Variants in LAMA3 observed in about 807,000 individuals in gnomAD.
The protein encoded by LAMA3 is laminin subunit alpha-3.
In LAMA3, 281 loss-of-function variants were observed where a neutral mutation model predicts 402.0. The ratio of observed to expected loss-of-function variants is 0.70; its 90% CI spans 0.63 to 0.77. The LOEUF is 0.77. Among genes scored for constraint, LAMA3 ranks in the 30% least tolerant of loss-of-function variants. LAMA3 has a pLI of 0.00. For missense variants in LAMA3, 3,840 were observed against 4,215.5 expected (o/e 0.91, Z 2.47); for synonymous variants, 1,431 against 1,558.4 (o/e 0.92, Z 1.93).
At chr18:23,826,556 A>T in intron 21 of LAMA3, 146 bp from the exon 22 acceptor site, 1 of 693,458 alleles carries the variant, frequency 1.4e-6, no homozygotes, top group South Asian at 1.6e-5. Flanking sequence ...GTGAGTCGGG[A>T]TGAAGAACAA....
chr18:23,822,053 T>A (rs183640650), intron 19 of LAMA3, among the ~76,000 whole-genome samples, 199 bp from the exon 20 acceptor site: 10 of 152,342 alleles, frequency 6.6e-5, no homozygotes, highest in Admixed American at 6.5e-4. Flanking sequence ...TAAGTGATTT[T>A]AATTCATTGT....
rs114937232 is a variant in LAMA3, at chr18:23,911,135, C to T, written c.7159-1576C>T. Among the ~76,000 whole-genome samples the T allele has an allele frequency of 5.0e-3, 690 of 137,126 alleles. 10 individuals are homozygous for T. The highest frequency in any genetic ancestry group is 0.02 in the African/African-American group (657 of 33,414). 90.0% of individuals were successfully genotyped at this position (137,126 alleles called of 152,430 possible). On this transcript the variant is annotated intron_variant, in intron 55 of 74. Transcript: ENST00000313654. ...GGAAGAGTAGGAATTTGCCAGGTGA[C>T]AAAAAGCAGGAGAGAATGCCAGGCA...
chr18:23,887,864 C>T (rs529295688), intron 41 of LAMA3, among the ~76,000 whole-genome samples: 1 of 152,212 alleles, frequency 6.6e-6, no homozygotes, highest in African/African-American at 2.4e-5. Flanking sequence ...CAATGTCATT[C>T]GTGAAATCAG....
rs2080970810 is a variant in LAMA3 at position 23,898,973 on chromosome 18, A to G, written c.5744A>G (p.Lys1915Arg). The G allele has an allele frequency of 6.2e-7, 1 of 1,613,940 alleles. No individual in the cohort carries two copies. Residue 1915 changes from lysine to arginine, a missense_variant, in exon 46 of 75, where the codon AAA (lysine) becomes AGA (arginine). This residue lies in a region of LAMA3 where 891 missense variants were observed against 857.5 expected (regional missense o/e 1.04). Transcript: ENST00000313654. ...LQEKAQVNSR[K>R]AQTLNNNVNR... Reference sequence around the variant, plus strand: ...ATATAGGCTCAAGTAAATTCCAGAAAAGCACAAACATTAAACAACAATGTT... The same window carrying G: ...ATATAGGCTCAAGTAAATTCCAGAAGAGCACAAACATTAAACAACAATGTT...
chr18:23,878,776 C>T (rs766466066), intron 39 of LAMA3, among the ~76,000 whole-genome samples: 2 of 152,216 alleles, frequency 1.3e-5, no homozygotes, highest in Non-Finnish European at 2.9e-5. Context: ...CAAGATATTT[C>T]AAGAATAGAC....
chr18:23,806,065 A>G (rs1355405914), intron 12 of LAMA3, among the ~76,000 whole-genome samples: 1 of 152,248 alleles, frequency 6.6e-6, no homozygotes, highest in Non-Finnish European at 1.5e-5. Context: ...CACTTCCAGG[A>G]ACACCATGAT....
chr18:23,746,141 C>G (rs746951500), intron 2 of LAMA3, among the ~76,000 whole-genome samples: 2 of 152,100 alleles, frequency 1.3e-5, no homozygotes, highest in Non-Finnish European at 2.9e-5. Context: ...ACTTTTTCCA[C>G]GTGTTGGTAG....
intron 62 of LAMA3, among the ~76,000 whole-genome samples, chr18:23,922,883 A>G (rs370300864): frequency 6.6e-6 from 1 of 152,224 alleles, no homozygotes; most frequent in Non-Finnish European, 1.5e-5. Flanking sequence ...ACAGGTGCCA[A>G]GAAGGCAACA....
intron 23 of LAMA3, among the ~76,000 whole-genome samples, chr18:23,827,928 C>T (rs1016986384): frequency 6.6e-6 from 1 of 152,178 alleles, no homozygotes; most frequent in Non-Finnish European, 1.5e-5. Flanking sequence ...TCCGGAACTT[C>T]TACATCCCCT....
At chr18:23,921,813 C>A (rs761440179) in intron 62 of LAMA3, among the ~76,000 whole-genome samples, 2 of 152,178 alleles carry the variant, frequency 1.3e-5, no homozygotes, top group African/African-American at 2.4e-5. Flanking sequence ...CCGCCATTGT[C>A]ATTCTCGGGA....
chr18:23,699,724 A>G (rs1015551534), intron 1 of LAMA3, among the ~76,000 whole-genome samples: 1 of 152,186 alleles, frequency 6.6e-6, no homozygotes, highest in African/African-American at 2.4e-5. Context: ...TAAAGCTGCC[A>G]AACACCCCAC....
chr18:23,795,743 A>C (rs2062751121), intron 12 of LAMA3, among the ~76,000 whole-genome samples: 1 of 152,036 alleles, frequency 6.6e-6, no homozygotes, highest in Non-Finnish European at 1.5e-5. Context: ...TTAATCTATA[A>C]ACTCTGCTAT....
Position 23,815,175 on chromosome 18 carries a change from C to G in LAMA3, c.1889-13C>G. On this transcript the variant is annotated splice_polypyrimidine_tract_variant and intron_variant, in intron 15 of 74. Transcript: ENST00000313654. Reference sequence around the variant, plus strand: ...GTCTCCCTTAGTTCAAGGATGCTCTCTTATCTCCACAGAATGCAAGTGCCA... The same window carrying G: ...GTCTCCCTTAGTTCAAGGATGCTCTGTTATCTCCACAGAATGCAAGTGCCA... The G allele has an allele frequency of 6.2e-7, 1 of 1,613,652 alleles. No homozygotes were observed. Among genetic ancestry groups the G allele is most frequent in the Non-Finnish European group, 8.5e-7 (1 of 1,179,554 alleles).
chr18:23,772,182 C>G (rs371494001), intron 8 of LAMA3, among the ~76,000 whole-genome samples: 13 of 152,148 alleles, frequency 8.5e-5, no homozygotes, highest in African/African-American at 3.1e-4. Flanking sequence ...GCTGGAATTA[C>G]AGGTGTGTGC....
At chr18:23,799,358 G>A (rs2062826333) in intron 12 of LAMA3, among the ~76,000 whole-genome samples, 1 of 152,188 alleles carries the variant, frequency 6.6e-6, no homozygotes, top group South Asian at 2.1e-4. Context: ...TGAGAAAAGG[G>A]CTGCCAATGC....
At chr18:23,747,489 T>C (rs1175344688) in intron 2 of LAMA3, among the ~76,000 whole-genome samples, 1 of 152,002 alleles carries the variant, frequency 6.6e-6, no homozygotes, top group Non-Finnish European at 1.5e-5. Flanking sequence ...GCTGCTTGGG[T>C]TTCAGTTCTG....
chr18:23,733,519 A>T (rs1326253520), intron 2 of LAMA3, among the ~76,000 whole-genome samples: 1 of 152,162 alleles, frequency 6.6e-6, no homozygotes, highest in Non-Finnish European at 1.5e-5. Context: ...TCCCTCCATG[A>T]TTCAATTATC....
Position 23,922,655 on chromosome 18 carries a change from T to TTA in LAMA3, c.8177+1074_8177+1075dup, listed in dbSNP as rs572697764. On this transcript the variant is annotated intron_variant, in intron 62 of 74. Coordinates refer to ENST00000313654, the MANE Select transcript of LAMA3 (RefSeq NM_198129.4). ...ATGAAGAAATTCAGAGCCAGTGAGA[T>TTA]TATATTAATATTTAATATTATCAAT... Among the ~76,000 whole-genome samples, 81 of 152,336 alleles carry TTA rather than the reference T, an allele frequency of 5.3e-4. 1 individual carries two copies. The highest frequency in any genetic ancestry group is 9.0e-4 in the Non-Finnish European group (61 of 68,040).
Position 23,931,079 on chromosome 18 carries a change from C to G in LAMA3, c.8454C>G (p.Val2818=). The change falls in exon 65 of 75, where the codon GTC becomes GTG. Residue 2818 remains valine (V), a synonymous_variant. Coordinates refer to ENST00000313654, the MANE Select transcript of LAMA3 (RefSeq NM_198129.4). ...DHQTWTRNLQ[V]TLEDGYIELS... ...GATTTCAGACAAGGAACCTGCAGGT[C>G]ACTCTGGAAGATGGTTACATTGAAT... The G allele has an allele frequency of 5.6e-6, 9 of 1,613,714 alleles. No homozygotes were observed. Among genetic ancestry groups the G allele is most frequent in the Non-Finnish European group, 6.8e-6 (8 of 1,179,628 alleles).
Sources: gnomAD v4.1 joint callset for allele counts (sites outside exome capture counted in the v4.1 genomes callset) on GRCh38, gnomAD v4.1.1 for gene constraint, gnomAD v4.1.1 regional missense constraint, MANE v1.5 for transcripts, NCBI Gene and HGNC (gene_info 2026-07-23, HGNC 2026-07-21) for gene names.